Variants in A2ML1 observed in about 807,000 individuals in gnomAD.
The protein encoded by A2ML1 is alpha-2-macroglobulin-like protein 1.
Under a neutral mutation model 181.9 loss-of-function variants are expected in A2ML1, and 161 were observed. That is an observed-to-expected ratio of 0.89 (90% CI 0.78 to 1.01). The LOEUF (loss-of-function observed/expected upper bound fraction) is 1.01, where lower values mean the gene tolerates loss of function less well. Ranked by LOEUF, A2ML1 falls within the 50% of genes least tolerant of loss-of-function variation. The pLI is 0.00. For synonymous variants in A2ML1, 663 were observed against 666.8 expected (o/e 0.99, Z 0.09); for missense variants, 1,670 against 1,768.1 (o/e 0.94, Z 1.00).
intron 34 of A2ML1, 82 bp downstream of exon 34, chr12:8,874,609 C>T (rs2136996417): frequency 9.2e-7 from 1 of 1,090,010 alleles, no homozygotes; most frequent in Admixed American, 2.2e-5. Flanking sequence ...CATGGCTTCT[C>T]TCTTAATTTT....
At chr12:8,825,861 C>T (rs1942912748) in intron 3 of A2ML1, among the ~76,000 whole-genome samples, 1 of 152,198 alleles carries the variant, frequency 6.6e-6, no homozygotes, top group South Asian at 2.1e-4. Flanking sequence ...CCTGTGCTTT[C>T]TCCAGTGTAT....
intron 4 of A2ML1, among the ~76,000 whole-genome samples, chr12:8,831,164 T>C (rs895729388): frequency 8.5e-5 from 13 of 152,064 alleles, no homozygotes; most frequent in Admixed American, 5.9e-4. Context: ...TCTCACCTTG[T>C]TGCGCAGGCC....
intron 3 of A2ML1, among the ~76,000 whole-genome samples, chr12:8,825,061 C>A (rs187258127): frequency 3.9e-5 from 6 of 152,154 alleles, no homozygotes; most frequent in Non-Finnish European, 8.8e-5. Context: ...AACATGGCAG[C>A]ACAGATAGTC....
intron 23 of A2ML1, 34 bp from the exon 24 acceptor site, chr12:8,857,130 A>G (rs1165942991): frequency 6.3e-7 from 1 of 1,598,534 alleles, no homozygotes; most frequent in African/African-American, 1.3e-5. Flanking sequence ...TCTTCTCTGT[A>G]CCCCTACCTT....
intron 28 of A2ML1, 65 bp from the exon 29 acceptor site, chr12:8,863,729 A>G: frequency 1.3e-6 from 2 of 1,523,986 alleles, no homozygotes; most frequent in Non-Finnish European, 1.8e-6. Context: ...TGCTGCATTT[A>G]CAAAGTGAAT....
chr12:8,857,602 A>T lies in A2ML1; in HGVS notation c.3107+14A>T. The T allele has an allele frequency of 6.2e-7, 1 of 1,605,756 alleles. No individual in the cohort carries two copies. Among genetic ancestry groups the T allele is most frequent in the Non-Finnish European group, 8.5e-7 (1 of 1,175,666 alleles). ...TGGAAACACATGGTAATATCACCCA[A>T]TTCCCAATGAGTTCTGTACTCCAGA... On this transcript the variant is annotated intron_variant, in intron 25 of 35. Transcript: ENST00000299698.
At chr12:8,870,564 G>C (rs1396076201) in intron 33 of A2ML1, among the ~76,000 whole-genome samples, 2 of 152,238 alleles carry the variant, frequency 1.3e-5, no homozygotes, top group Non-Finnish European at 2.9e-5. Context: ...ACCGCACCCA[G>C]CCGAGTTGTG....
intron 2 of A2ML1, 24 bp from the exon 3 acceptor site, chr12:8,823,696 C>A: frequency 6.2e-7 from 1 of 1,608,166 alleles, no homozygotes; most frequent in Non-Finnish European, 8.5e-7. Flanking sequence ...TTACCCCTCC[C>A]CAGAAGTCCC....
intron 33 of A2ML1, among the ~76,000 whole-genome samples, chr12:8,872,291 A>G (rs1280793694): frequency 6.6e-6 from 1 of 152,140 alleles, no homozygotes; most frequent in Non-Finnish European, 1.5e-5. Context: ...AGTGGTTCTA[A>G]AAATTCTTTG....
intron 4 of A2ML1, 127 bp from the exon 5 acceptor site, chr12:8,834,535 G>T: frequency 8.5e-7 from 1 of 1,180,478 alleles, no homozygotes; most frequent in South Asian, 1.4e-5. Context: ...GAGCCATTTA[G>T]AAAGGAAGAA....
intron 7 of A2ML1, among the ~76,000 whole-genome samples, chr12:8,885,768 G>A (rs1410147117): frequency 6.6e-6 from 1 of 152,154 alleles, no homozygotes; most frequent in African/African-American, 2.4e-5. Flanking sequence ...CCAGCTAAAA[G>A]CTGTTTTTGT....
chr12:8,854,110 CCTT>C lies in A2ML1; in HGVS notation c.2591-11_2591-9del, dbSNP rs1325395195. On this transcript the variant is annotated splice_polypyrimidine_tract_variant and intron_variant, in intron 20 of 35. Transcript: ENST00000299698. ...CTCTGGCAATAGGGCTAATGGCTTC[CCTT>C]CTTCTTTCTCTCAGGTCACATTAAC... 2.6e-6 allele frequency: 4 copies of C among 1,563,156 alleles called. No homozygotes were observed. Among genetic ancestry groups the C allele is most frequent in the Admixed American group, 3.7e-5 (2 of 54,620 alleles).
chr12:8,848,794 T>C lies in A2ML1; in HGVS notation c.1908T>C (p.Ser636=), dbSNP rs764380033. 1 of 1,614,178 alleles carries C rather than the reference T, an allele frequency of 6.2e-7. No individual in the cohort carries two copies. The highest frequency in any genetic ancestry group is 8.5e-7 in the Non-Finnish European group (1 of 1,180,020). The part of the protein sequence containing the change: ...QVAEYDQCPV[S]GPWDFPQPLI... ...CTGAGTATGATCAGTGTCCAGTGTC[T>C]GGCCCATGGGACTTTCCTCAGCCCC... Residue 636 remains serine, a synonymous_variant, in exon 16 of 36, where the codon TCT becomes TCC. Transcript: ENST00000299698.
At chr12:8,841,924 A>G (rs1321837980) in intron 11 of A2ML1, among the ~76,000 whole-genome samples, 1 of 152,204 alleles carries the variant, frequency 6.6e-6, no homozygotes, top group African/African-American at 2.4e-5. Flanking sequence ...TAGATAACTT[A>G]TAAGTATCAA....
rs775326237 is a variant in A2ML1, at chr12:8,847,584, A to G, written c.1719A>G (p.Pro573=). 7 of 1,613,122 alleles carry G rather than the reference A, an allele frequency of 4.3e-6. No homozygotes were observed. In the South Asian group the frequency reaches 7.7e-5, roughly 18 times the overall value. Residue 573 remains proline (P), a synonymous_variant, in exon 15 of 36, where the codon CCA becomes CCG. Transcript: ENST00000299698. The stretch of plus-strand genomic sequence containing the variant: ...GCTTCTCCCCCTCCCAGCAGCTTCC[A>G]GGAGCAGAAGTGGAGCTGCAGCTGC... The part of the protein sequence containing the change: ...SLGFSPSQQL[P]GAEVELQLQA...
In A2ML1 at chr12:8,847,810, A is replaced by G. The variant is rs1401314477; in HGVS notation, c.1833+112A>G. On this transcript the variant is annotated intron_variant, in intron 15 of 35. Coordinates refer to ENST00000299698, the MANE Select transcript of A2ML1 (RefSeq NM_144670.6). ...TCTTAGGGAAATAATGCACTGCCATAAGGCGGTAAAAAGGCTGGTGTGAAA... is the reference window on the plus strand; with the variant it reads ...TCTTAGGGAAATAATGCACTGCCATGAGGCGGTAAAAAGGCTGGTGTGAAA... 7 of 1,369,566 alleles carry G rather than the reference A, an allele frequency of 5.1e-6. No homozygotes were observed. The Admixed American group carries it at 1.3e-4, about 25-fold the overall frequency. 84.8% of individuals were successfully genotyped at this position (1,369,566 alleles called of 1,614,324 possible).
In A2ML1 at chr12:8,848,856, G is replaced by C; in HGVS notation, c.1970G>C (p.Arg657Pro). The change falls in exon 16 of 36, where the codon CGT (arginine) becomes CCT (proline). Residue 657 changes from arginine to proline, a missense_variant. Coordinates refer to ENST00000299698, the MANE Select transcript of A2ML1 (RefSeq NM_144670.6). Reference sequence around the variant, plus strand: ...ATGCCCCAAGGGCATTCGAGCCAGCGTTCCATTATCTGGAGGCCCTCGTTC... The same window carrying C: ...ATGCCCCAAGGGCATTCGAGCCAGCCTTCCATTATCTGGAGGCCCTCGTTC... ...DPMPQGHSSQRSIIWRPSFSE... is the reference protein window; with the variant it reads ...DPMPQGHSSQPSIIWRPSFSE... The C allele has an allele frequency of 6.2e-7, 1 of 1,614,128 alleles. No homozygotes were observed.
At chr12:8,883,729 C>T (rs773036929) in intron 7 of A2ML1, among the ~76,000 whole-genome samples, 19 of 152,012 alleles carry the variant, frequency 1.2e-4, no homozygotes, top group Admixed American at 4.6e-4. Context: ...CTGCCCACCT[C>T]GGCCTCCCAA....
In A2ML1 at chr12:8,867,870, C is replaced by T; in HGVS notation, c.3746C>T (p.Ala1249Val). 7 of 1,614,222 alleles carry T rather than the reference C, an allele frequency of 4.3e-6. No homozygotes were observed. The highest frequency in any genetic ancestry group is 5.9e-6 in the Non-Finnish European group (7 of 1,180,042). ...ACTGTAGTTGCTCTCCAAGCTCTTG[C>T]CAAATATGCCACTACCGCCTACATG... ...QDTVVALQAL[A>V]KYATTAYMPS... Residue 1249 changes from alanine (A) to valine (V), a missense_variant, in exon 30 of 36, where the codon GCC (alanine) becomes GTC (valine). Coordinates refer to ENST00000299698, the MANE Select transcript of A2ML1 (RefSeq NM_144670.6).
Sources: gnomAD v4.1 joint callset for allele counts (sites outside exome capture counted in the v4.1 genomes callset) on GRCh38, gnomAD v4.1.1 for gene constraint, MANE v1.5 for transcripts, NCBI Gene and HGNC (gene_info 2026-07-23, HGNC 2026-07-21) for gene names.